ZNF875: variants seen among roughly 807,000 people sequenced by gnomAD.
ZNF875 encodes zinc finger protein 875.
Under a neutral mutation model 11.2 loss-of-function variants are expected in ZNF875, and 14 were observed. That is an observed-to-expected ratio of 1.26 (90% CI 0.83 to 1.96). ZNF875 has a LOEUF of 1.96. Ranked by LOEUF, ZNF875 falls within the 30% of genes most tolerant of loss-of-function variation. The pLI, the probability that ZNF875 is intolerant of heterozygous loss-of-function variation, is 0.00. For synonymous variants in ZNF875, 301 were observed against 281.1 expected, an observed-to-expected ratio of 1.07 and a Z score of -0.71; for missense variants, 752 against 760.4, an observed-to-expected ratio of 0.99 and a Z score of 0.13.
upstream of ZNF875, among the ~76,000 whole-genome samples, chr19:37,331,062 C>T (rs552384761): frequency 6.6e-6 from 1 of 151,786 alleles, no homozygotes; most frequent in Non-Finnish European, 1.5e-5. Context: ...TGGCAGGCGC[C>T]TGTAGTCCCA....
chr19:37,348,344 A>G (rs2037224931), intron 4 of ZNF875, among the ~76,000 whole-genome samples: 1 of 152,176 alleles, frequency 6.6e-6, no homozygotes, highest in African/African-American at 2.4e-5. Context: ...ATAAAAAATG[A>G]CCTAAACAGT....
rs117312189 is a variant in ZNF875 at position 37,339,853 on chromosome 19, C to T, written c.33+4596C>T. On this transcript the variant is annotated intron_variant, in intron 2 of 4. Coordinates refer to ENST00000392153, the MANE Select transcript of ZNF875 (RefSeq NM_001353803.2). ...GTGCTGGAATTACAGGCATGAGCAC[C>T]GCGGCTGGCCCTGAACCCTGCCAGT... is the stretch of plus-strand genomic sequence containing the variant. Among the ~76,000 whole-genome samples the T allele has an allele frequency of 8.4e-3, 1,271 of 152,132 alleles. 9 individuals carry two copies. Among genetic ancestry groups the T allele is most frequent in the Non-Finnish European group, 0.014 (972 of 67,996 alleles).
intron 2 of ZNF875, among the ~76,000 whole-genome samples, chr19:37,322,944 A>C (rs1216425090): frequency 6.6e-6 from 1 of 151,920 alleles, no homozygotes; most frequent in Non-Finnish European, 1.5e-5. Flanking sequence ...CCTCCACGAA[A>C]ATCTGGAGCT....
Position 37,363,782 on chromosome 19 carries a change from T to G in ZNF875, c.*7T>G. On this transcript the variant is annotated 3_prime_UTR_variant, in exon 5 of 5. Transcript: ENST00000392153. ...GAGGACACACTCAGGATAGAAACTT[T>G]ATGTGTATAGGGAATGTGGTACAGC... 6.2e-7 allele frequency: 1 copy of G among 1,609,684 alleles called. No homozygotes were observed. Among genetic ancestry groups the G allele is most frequent in the Non-Finnish European group, 8.5e-7 (1 of 1,176,246 alleles).
rs112876398 is a variant in ZNF875, at chr19:37,327,026, T to G, written c.-603+2761T>G. Among the ~76,000 whole-genome samples the G allele has an allele frequency of 6.1e-3, 921 of 151,934 alleles. 6 individuals carry two copies. The highest frequency in any genetic ancestry group is 0.024 in the South Asian group (116 of 4,800). ...TTTTTTTTTCGAGATGAAGTCTTGC[T>G]CTGTCTCCCAGGCTGGAGTACAATG... On this transcript the variant is annotated intron_variant, in intron 4 of 5. Transcript: ENST00000544914.
rs1356251422 is a variant in ZNF875 at position 37,334,794 on chromosome 19, A to G, written c.-57+12A>G. The G allele has an allele frequency of 1.1e-5, 5 of 456,800 alleles. No individual in the cohort carries two copies. Among genetic ancestry groups the G allele is most frequent in the Admixed American group, 9.4e-5 (4 of 42,584 alleles). 28.3% of individuals were successfully genotyped at this position (456,800 alleles called of 1,614,324 possible). A position where few individuals can be genotyped will look rare whatever the true frequency, so the allele number is the denominator to read the frequency against. ...TGCACCCGCGTTCCGTGAGTGCCCT[A>G]TAGGCAGTCAGCATGCCCCTCTGCG... On this transcript the variant is annotated intron_variant, in intron 1 of 4. Transcript: ENST00000392153.
At chr19:37,355,852 G>T (rs988662872) in intron 4 of ZNF875, among the ~76,000 whole-genome samples, 2 of 152,006 alleles carry the variant, frequency 1.3e-5, no homozygotes, top group African/African-American at 4.8e-5. Flanking sequence ...GTAATGCTGG[G>T]GTTTGGGGCT....
intron 1 of ZNF875, among the ~76,000 whole-genome samples, chr19:37,321,692 C>T (rs1455090890): frequency 6.6e-6 from 1 of 152,128 alleles, no homozygotes; most frequent in African/African-American, 2.4e-5. Flanking sequence ...ACCTGGCAGC[C>T]TCAGGGTAGT....
intron 1 of ZNF875, 192 bp downstream of exon 1, chr19:37,334,974 C>A: frequency 1.9e-6 from 1 of 514,928 alleles, no homozygotes; most frequent in Non-Finnish European, 3.6e-6. Context: ...AAGGGCTTCA[C>A]TCCCTGTCCC....
intron 4 of ZNF875, among the ~76,000 whole-genome samples, chr19:37,358,351 G>A (rs1161413528): frequency 6.6e-6 from 1 of 151,118 alleles, no homozygotes; most frequent in East Asian, 1.9e-4. Flanking sequence ...GTTTCACCGT[G>A]GTCTCAATCT....
upstream of ZNF875, among the ~76,000 whole-genome samples, chr19:37,330,323 C>T (rs1432577858): frequency 6.6e-6 from 1 of 152,072 alleles, no homozygotes; most frequent in African/African-American, 2.4e-5. Context: ...ATGCTAGGGA[C>T]AGGAAAGGCT....
At chr19:37,345,932 G>T (rs890864201) in intron 2 of ZNF875, among the ~76,000 whole-genome samples, 1 of 152,022 alleles carries the variant, frequency 6.6e-6, no homozygotes, top group Admixed American at 6.6e-5. Context: ...AGGTAGCAGA[G>T]GTTCGTTTGA....
intron 4 of ZNF875, chr19:37,328,804 T>C (rs554739234): frequency 6.6e-6 from 1 of 152,362 alleles, no homozygotes; most frequent in Non-Finnish European, 1.5e-5. Context: ...TAAATGCTCT[T>C]TGAGTGTCTC....
rs753167850 is a variant in ZNF875 at position 37,362,618 on chromosome 19, T to C, written c.766T>C (p.Tyr256His). The C allele has an allele frequency of 2.5e-6, 4 of 1,613,838 alleles. No individual in the cohort carries two copies. Among genetic ancestry groups the C allele is most frequent in the Non-Finnish European group, 2.5e-6 (3 of 1,179,898 alleles). Reference sequence around the variant, plus strand: ...ACAAACTGGGGAGACACCTTACATGTACACTGAGTGGGGAGACAGCTTTGG... The same window carrying C: ...ACAAACTGGGGAGACACCTTACATGCACACTGAGTGGGGAGACAGCTTTGG... Reference protein sequence around the residue: ...KTQTGETPYMYTEWGDSFGSM... With the variant: ...KTQTGETPYMHTEWGDSFGSM... The change falls in exon 5 of 5, where the codon TAC becomes CAC. Residue 256 changes from tyrosine (Y) to histidine (H), a missense_variant. Transcript: ENST00000392153.
chr19:37,329,493 C>T (rs912958678), intron 4 of ZNF875, among the ~76,000 whole-genome samples: 1 of 152,156 alleles, frequency 6.6e-6, no homozygotes, highest in South Asian at 2.1e-4. Flanking sequence ...TCGTTGACTT[C>T]ACAGTGTAAG....
intron 4 of ZNF875, among the ~76,000 whole-genome samples, chr19:37,350,106 C>CT (rs34388347): frequency 1.6e-5 from 1 of 63,676 alleles, no homozygotes; most frequent in South Asian, 6.6e-4. Flanking sequence ...CCCCACTGGC[C>CT]TTTTTTTTTT....
chr19:37,321,396 G>A (rs543547651), intron 1 of ZNF875, among the ~76,000 whole-genome samples: 8 of 152,196 alleles, frequency 5.3e-5, no homozygotes, highest in Admixed American at 2.0e-4. Context: ...TCTTAACCTT[G>A]TTTATGACAC....
upstream of ZNF875, chr19:37,313,215 A>AAACAACAACAAC (rs34323048): frequency 2.0e-5 from 3 of 149,314 alleles, no homozygotes; most frequent in East Asian, 2.0e-4. Flanking sequence ...GCCCCCCGCG[A>AAACAACAACAAC]AACAACAACA....
exon 1 of ZNF875, chr19:37,318,104 A>G (rs939453937): frequency 6.5e-6 from 1 of 154,374 alleles, no homozygotes; most frequent in Non-Finnish European, 1.4e-5. Flanking sequence ...GCCCTTCCCC[A>G]TCCGTCCACC....
Sources: allele counts gnomAD v4.1 joint callset (sites outside exome capture counted in the v4.1 genomes callset), GRCh38; gene constraint gnomAD v4.1.1; transcripts MANE v1.5; gene names NCBI Gene and HGNC (gene_info 2026-07-23, HGNC 2026-07-21).